The following SPTLC1 variants were observed in gnomAD, a reference collection of about 807,000 sequenced individuals.
The protein encoded by SPTLC1 is serine palmitoyltransferase 1.
Under a neutral mutation model 68.9 loss-of-function variants are expected in SPTLC1, and 55 were observed. The ratio of observed to expected loss-of-function variants is 0.80; its 90% CI spans 0.64 to 1.00. SPTLC1 has a LOEUF of 1.00. Among genes scored for constraint, SPTLC1 ranks in the 50% least tolerant of loss-of-function variants. The probability of loss-of-function intolerance (pLI) is 0.00; values close to 1 mark genes in which losing one functional copy is unlikely to be tolerated. For synonymous variants in SPTLC1, 197 were observed against 201.6 expected, an observed-to-expected ratio of 0.98 and a Z score of 0.19; for missense variants, 449 against 573.1, an observed-to-expected ratio of 0.78 and a Z score of 2.21.
chr9:92,107,331 G>C (rs1279127469), intron 3 of SPTLC1, among the ~76,000 whole-genome samples: 1 of 152,308 alleles, frequency 6.6e-6, no homozygotes, highest in South Asian at 2.1e-4. Flanking sequence ...TTTCCAAGCA[G>C]TAGGTAAATA....
intron 5 of SPTLC1, among the ~76,000 whole-genome samples, chr9:92,074,097 C>G (rs1033258407): frequency 6.6e-6 from 1 of 152,070 alleles, no homozygotes; most frequent in Non-Finnish European, 1.5e-5. Flanking sequence ...TGACGTTGCC[C>G]GAATATCTCG....
In SPTLC1 at chr9:92,083,414, T is replaced by G. The variant is rs983080928; in HGVS notation, c.261-2451A>C. On this transcript the variant is annotated intron_variant, in intron 3 of 14. Transcript: ENST00000262554. ...CTTTAATCCATCTTGAATTAATTTT[T>G]GTATAAGGTGTAAGGAAGGGATCCA... Among the ~76,000 whole-genome samples the G allele has an allele frequency of 4.3e-4, 65 of 151,074 alleles. 2 individuals are homozygous for G. In the South Asian group the frequency reaches 0.012, roughly 29 times the overall value.
intron 5 of SPTLC1, chr9:92,079,784 C>A: frequency 1.5e-6 from 1 of 650,290 alleles, no homozygotes. Flanking sequence ...GCAATCCCCA[C>A]ACATGCACAC....
chr9:92,048,882 C>A (rs1405676158), intron 9 of SPTLC1, among the ~76,000 whole-genome samples: 1 of 152,200 alleles, frequency 6.6e-6, no homozygotes, highest in Non-Finnish European at 1.5e-5. Flanking sequence ...CTGCTCTCTA[C>A]TCTCAGGCGC....
At chr9:92,039,526 A>G (rs1470553516) in intron 12 of SPTLC1, among the ~76,000 whole-genome samples, 3 of 152,152 alleles carry the variant, frequency 2.0e-5, no homozygotes, top group Non-Finnish European at 4.4e-5. Context: ...TTTAAAGTCT[A>G]TTTTATCCTA....
intron 3 of SPTLC1, among the ~76,000 whole-genome samples, chr9:92,082,295 T>C (rs1256944872): frequency 1.3e-5 from 2 of 151,934 alleles, no homozygotes; most frequent in African/African-American, 4.8e-5. Context: ...AATGTGCAGG[T>C]TAGTTACATA....
intron 7 of SPTLC1, among the ~76,000 whole-genome samples, chr9:92,056,077 A>C (rs149995410): frequency 6.6e-6 from 1 of 152,216 alleles, no homozygotes; most frequent in African/African-American, 2.4e-5. Context: ...ATTTTTCCAT[A>C]ACAAAAAGTT....
chr9:92,093,140 T>C (rs1447243397), intron 3 of SPTLC1, among the ~76,000 whole-genome samples: 3 of 152,176 alleles, frequency 2.0e-5, no homozygotes, highest in Non-Finnish European at 1.5e-5. Flanking sequence ...CTAAGAGATA[T>C]ATTAATAGAA....
intron 5 of SPTLC1, among the ~76,000 whole-genome samples, chr9:92,075,509 C>T (rs993579448): frequency 2.0e-5 from 3 of 152,190 alleles, no homozygotes; most frequent in Non-Finnish European, 4.4e-5. Context: ...CTCCACACAG[C>T]AAAAACGCAG....
At chr9:92,035,123 T>G (rs1448404887) in intron 13 of SPTLC1, among the ~76,000 whole-genome samples, 1 of 152,244 alleles carries the variant, frequency 6.6e-6, no homozygotes, top group Admixed American at 6.5e-5. Context: ...GTGTGCCTGC[T>G]GAGCACACGG....
In SPTLC1 at chr9:92,032,371, T is replaced by C; in HGVS notation, c.*94A>G. 1 of 1,600,148 alleles carries C rather than the reference T, an allele frequency of 6.2e-7. No individual in the cohort carries two copies. Among genetic ancestry groups the C allele is most frequent in the Non-Finnish European group, 8.5e-7 (1 of 1,174,468 alleles). ...AACAATCCTATCAAAGATCCACATG[T>C]TCTTGCTCTCTTTCAGGCCACTCCA... On this transcript the variant is annotated 3_prime_UTR_variant, in exon 15 of 15. Coordinates refer to ENST00000262554, the MANE Select transcript of SPTLC1 (RefSeq NM_006415.4).
Sources: allele counts gnomAD v4.1 joint callset (sites outside exome capture counted in the v4.1 genomes callset), GRCh38; gene constraint gnomAD v4.1.1; transcripts MANE v1.5; gene names NCBI Gene and HGNC (gene_info 2026-07-23, HGNC 2026-07-21).